The following INSYN2B variants were observed in gnomAD, a reference collection of about 807,000 sequenced individuals.
INSYN2B encodes inhibitory synaptic factor family member 2B.
Under a neutral mutation model 41.2 loss-of-function variants are expected in INSYN2B, and 16 were observed. The ratio of observed to expected loss-of-function variants is 0.39; its 90% CI spans 0.26 to 0.59. INSYN2B has a LOEUF of 0.59. INSYN2B is among the 20% of genes least tolerant of loss of function. The probability of loss-of-function intolerance (pLI) is 0.57; values close to 1 mark genes in which losing one functional copy is unlikely to be tolerated. For missense variants in INSYN2B, 608 were observed against 646.4 expected, an observed-to-expected ratio of 0.94 and a Z score of 0.64; for synonymous variants, 245 against 244.4, an observed-to-expected ratio of 1.00 and a Z score of -0.02.
intron 3 of INSYN2B, among the ~76,000 whole-genome samples, chr5:169,871,916 T>C (rs2113461183): frequency 6.6e-6 from 1 of 152,350 alleles, no homozygotes; most frequent in Admixed American, 6.5e-5. Context: ...GGAGGCAGCC[T>C]ATTGAAGATA....
chr5:169,960,035 C>A (rs1777022861), intron 1 of INSYN2B, among the ~76,000 whole-genome samples: 1 of 152,168 alleles, frequency 6.6e-6, no homozygotes. Context: ...GGATCTCAGG[C>A]TATCAGTCCC....
intron 1 of INSYN2B, among the ~76,000 whole-genome samples, chr5:169,905,919 C>T (rs1774249859): frequency 6.6e-6 from 1 of 152,216 alleles, no homozygotes; most frequent in African/African-American, 2.4e-5. Flanking sequence ...AAACAGCTGT[C>T]TTGAACCTGA....
rs376649083 is a variant in INSYN2B, at chr5:169,863,629, ACT to A, written c.*642_*643del. ...CAAGTTTATACCCTGGGGTGGCCTG[ACT>A]CTGCCACAGGCAGAAAGGTGCATGC... On this transcript the variant is annotated 3_prime_UTR_variant, in exon 4 of 4. Coordinates refer to ENST00000377365, the MANE Select transcript of INSYN2B (RefSeq NM_001129891.3). Among the ~76,000 whole-genome samples, 37 of 152,326 alleles carry A rather than the reference ACT, an allele frequency of 2.4e-4. No individual in the cohort carries two copies. Among genetic ancestry groups the A allele is most frequent in the African/African-American group, 8.7e-4 (36 of 41,570 alleles).
chr5:169,940,152 C>G (rs1776180149), intron 1 of INSYN2B, among the ~76,000 whole-genome samples: 1 of 152,130 alleles, frequency 6.6e-6, no homozygotes, highest in Non-Finnish European at 1.5e-5. Context: ...CCACAGTTTT[C>G]TGTGTGTGTA....
chr5:169,939,098 G>T (rs1303025180), intron 1 of INSYN2B, among the ~76,000 whole-genome samples: 2 of 151,508 alleles, frequency 1.3e-5, no homozygotes, highest in African/African-American at 4.8e-5. Flanking sequence ...TAGAGACGGG[G>T]TTTCACCGCA....
chr5:169,913,777 T>A (rs1245494554), intron 1 of INSYN2B, among the ~76,000 whole-genome samples: 1 of 152,164 alleles, frequency 6.6e-6, no homozygotes, highest in East Asian at 1.9e-4. Flanking sequence ...ACCCTCTTAT[T>A]TTTGATCAAT....
chr5:169,898,209 A>G (rs984401319), intron 1 of INSYN2B, among the ~76,000 whole-genome samples: 2 of 152,118 alleles, frequency 1.3e-5, no homozygotes, highest in African/African-American at 2.4e-5. Flanking sequence ...TGGGGCTCCC[A>G]CAGCTCTACC....
chr5:169,897,287 C>T lies in INSYN2B; in HGVS notation c.-918-12471G>A, dbSNP rs753385820. On this transcript the variant is annotated intron_variant, in intron 1 of 3. Transcript: ENST00000377365. ...GCACCTTCCACCTCCTGGGTTCAAG[C>T]AATTCTCGTGCCTCAGCCTCCCAAG... 3.2e-4 allele frequency among the ~76,000 whole-genome samples: 49 copies of T among 152,054 alleles called. 1 individual carries two copies. Among genetic ancestry groups the T allele is most frequent in the Non-Finnish European group, 7.4e-5 (5 of 68,000 alleles).
chr5:169,876,035 G>A (rs949253779), intron 3 of INSYN2B, among the ~76,000 whole-genome samples: 1 of 152,170 alleles, frequency 6.6e-6, no homozygotes, highest in African/African-American at 2.4e-5. Context: ...GAGGCTCTAG[G>A]AGAGAAAACA....
At chr5:169,966,214 A>T (rs1026253548) in intron 1 of INSYN2B, among the ~76,000 whole-genome samples, 1 of 152,242 alleles carries the variant, frequency 6.6e-6, no homozygotes, top group Admixed American at 6.5e-5. Context: ...TGTTTTAATC[A>T]TAACATAATG....
intron 1 of INSYN2B, among the ~76,000 whole-genome samples, chr5:169,942,315 A>C (rs1420585884): frequency 6.6e-6 from 1 of 152,186 alleles, no homozygotes; most frequent in Non-Finnish European, 1.5e-5. Context: ...AAGTGGATCC[A>C]TGCCTCTCCC....
intron 1 of INSYN2B, among the ~76,000 whole-genome samples, chr5:169,910,572 C>T (rs949084600): frequency 1.3e-5 from 2 of 152,152 alleles, no homozygotes; most frequent in East Asian, 1.9e-4. Flanking sequence ...GGAGCTCCTC[C>T]GAGGTTCACT....
At chr5:169,963,952 G>T (rs1777194996) in intron 1 of INSYN2B, among the ~76,000 whole-genome samples, 1 of 152,042 alleles carries the variant, frequency 6.6e-6, no homozygotes. Flanking sequence ...GCAGCTCCAG[G>T]GCCCACACAG....
At chr5:169,888,402 A>C (rs1033894439) in intron 1 of INSYN2B, among the ~76,000 whole-genome samples, 4 of 152,226 alleles carry the variant, frequency 2.6e-5, no homozygotes, top group African/African-American at 9.6e-5. Flanking sequence ...TGATCTTTGC[A>C]ACACTTTATT....
chr5:169,888,963 T>C (rs1008550319), intron 1 of INSYN2B, among the ~76,000 whole-genome samples: 12 of 152,178 alleles, frequency 7.9e-5, no homozygotes, highest in Non-Finnish European at 1.3e-4. Context: ...GTACTTTGTG[T>C]CTTTAGCATT....
At chr5:169,956,210 A>G (rs757325708) in intron 1 of INSYN2B, among the ~76,000 whole-genome samples, 21 of 152,224 alleles carry the variant, frequency 1.4e-4, no homozygotes, top group Non-Finnish European at 2.6e-4. Context: ...ATCCTGGTTG[A>G]GCAAGTGCTA....
intron 1 of INSYN2B, among the ~76,000 whole-genome samples, chr5:169,922,284 G>T (rs1255063391): frequency 1.3e-5 from 2 of 152,172 alleles, no homozygotes; most frequent in South Asian, 2.1e-4. Context: ...AAAGATGAAG[G>T]CTCAGAGAAG....
chr5:169,921,227 G>A (rs764730218), intron 1 of INSYN2B, among the ~76,000 whole-genome samples: 8 of 152,166 alleles, frequency 5.3e-5, no homozygotes, highest in African/African-American at 1.2e-4. Context: ...AACTAAGTCC[G>A]TATTCCTCCT....
intron 1 of INSYN2B, among the ~76,000 whole-genome samples, chr5:169,889,126 A>G (rs1773142739): frequency 6.6e-6 from 1 of 152,232 alleles, no homozygotes; most frequent in Admixed American, 6.5e-5. Context: ...TTGTAAAACA[A>G]ATGAATATAA....
Sources: allele counts gnomAD v4.1 joint callset (sites outside exome capture counted in the v4.1 genomes callset), GRCh38; gene constraint gnomAD v4.1.1; transcripts MANE v1.5; gene names NCBI Gene and HGNC (gene_info 2026-07-23, HGNC 2026-07-21).